GPR39: variants seen among roughly 807,000 people sequenced by gnomAD.
GPR39 encodes the protein G protein-coupled receptor 39.
A neutral mutation model predicts 18.4 loss-of-function variants in GPR39; 23 were observed. The observed-to-expected ratio is 1.25, with a 90% CI of 0.90 to 1.77. The LOEUF (loss-of-function observed/expected upper bound fraction) is 1.77. GPR39 is among the 40% of genes most tolerant of loss of function. The pLI is 0.00. For missense variants in GPR39, 647 were observed against 602.4 expected, an observed-to-expected ratio of 1.07 and a Z score of -0.78; for synonymous variants, 280 against 257.9, an observed-to-expected ratio of 1.09 and a Z score of -0.82.
At chr2:132,533,384 T>G (rs1679679451) in intron 1 of GPR39, among the ~76,000 whole-genome samples, 1 of 147,930 alleles carries the variant, frequency 6.8e-6, no homozygotes, top group African/African-American at 2.5e-5. Context: ...TGCTCATGGG[T>G]AGGAAGAATC....
intron 1 of GPR39, among the ~76,000 whole-genome samples, chr2:132,473,626 A>G: frequency 6.6e-6 from 1 of 152,310 alleles, no homozygotes; most frequent in East Asian, 1.9e-4. Context: ...AATCTGCTTC[A>G]GGAAGTATGT....
chr2:132,494,594 C>A (rs1681602800), intron 1 of GPR39, among the ~76,000 whole-genome samples: 1 of 152,120 alleles, frequency 6.6e-6, no homozygotes, highest in Admixed American at 6.6e-5. Context: ...GACACTATGC[C>A]CTGTTTTATG....
chr2:132,612,310 C>T (rs556042827), intron 1 of GPR39, among the ~76,000 whole-genome samples: 1 of 152,210 alleles, frequency 6.6e-6, no homozygotes, highest in East Asian at 1.9e-4. Flanking sequence ...CAGCCTCCCC[C>T]TCCCCTCAGT....
rs188031318 is a variant in GPR39 at position 132,547,070 on chromosome 2, C to A, written c.857-98031C>A. ...TTCCGTTGCCTCCAGCAAGCCGCACCGACAGAGGGTCAATGGGGTTACTGT... is the reference window on the plus strand; with the variant it reads ...TTCCGTTGCCTCCAGCAAGCCGCACAGACAGAGGGTCAATGGGGTTACTGT... On this transcript the variant is annotated intron_variant, in intron 1 of 1. Transcript: ENST00000329321. Among the ~76,000 whole-genome samples, 11 of 151,946 alleles carry A rather than the reference C, an allele frequency of 7.2e-5. No individual in the cohort carries two copies. The South Asian group carries it at 8.3e-4, about 11-fold the overall frequency.
rs866145446 is a variant in GPR39, at chr2:132,456,887, C to T, written c.856+38989C>T. Among the ~76,000 whole-genome samples the T allele has an allele frequency of 4.6e-5, 7 of 152,298 alleles. 1 individual carries two copies. In the Middle Eastern group the frequency reaches 0.014, roughly 296 times the overall value. ...GGGCTTCCCTTTGTGGATAACTTGA[C>T]GTTTCTCTCTGGCTGCCCTTAACAC... On this transcript the variant is annotated intron_variant, in intron 1 of 1. Coordinates refer to ENST00000329321, the MANE Select transcript of GPR39 (RefSeq NM_001508.3).
chr2:132,534,629 C>CACAT (rs1377343612), intron 1 of GPR39, among the ~76,000 whole-genome samples: 1 of 151,516 alleles, frequency 6.6e-6, no homozygotes, highest in African/African-American at 2.4e-5. Context: ...GAAAATGTGG[C>CACAT]ACATATACAC....
rs1171824622 is a variant in GPR39, at chr2:132,645,281, T to C, written c.1037T>C (p.Val346Ala). 1.2e-6 allele frequency: 2 copies of C among 1,614,078 alleles called. No individual in the cohort carries two copies. Among genetic ancestry groups the C allele is most frequent in the Admixed American group, 1.7e-5 (1 of 60,004 alleles). The stretch of plus-strand genomic sequence containing the variant: ...GTCATCAACCCGCTCCTGTACACGG[T>C]GTCCTCGCAGCAGTTTCGGCGGGTG... Reference protein sequence around the residue: ...SSVINPLLYTVSSQQFRRVFV... With the variant: ...SSVINPLLYTASSQQFRRVFV... The change falls in exon 2 of 2, where the codon GTG becomes GCG. Residue 346 changes from valine to alanine, a missense_variant. Val to Ala is a moderately conservative substitution (Grantham distance 64). Coordinates refer to ENST00000329321, the MANE Select transcript of GPR39 (RefSeq NM_001508.3).
In GPR39 at chr2:132,489,634, G is replaced by A. The variant is rs528794479; in HGVS notation, c.856+71736G>A. On this transcript the variant is annotated intron_variant, in intron 1 of 1. Transcript: ENST00000329321. ...CATGGCTGGGGTGGGGACCAGAGTA[G>A]GGGGCAAGACACATTTGTATGATCA... 3.9e-5 allele frequency among the ~76,000 whole-genome samples: 6 copies of A among 152,082 alleles called. No homozygotes were observed. The South Asian group carries it at 1.2e-3, about 31-fold the overall frequency.
chr2:132,579,127 CTT>C (rs1375696041), intron 1 of GPR39, among the ~76,000 whole-genome samples: 1 of 150,844 alleles, frequency 6.6e-6, no homozygotes, highest in Non-Finnish European at 1.5e-5. Flanking sequence ...TCTCAGTACT[CTT>C]TAGCTGTGTC....
At chr2:132,634,092 G>T (rs1275436198) in intron 1 of GPR39, among the ~76,000 whole-genome samples, 1 of 144,116 alleles carries the variant, frequency 6.9e-6, no homozygotes, top group African/African-American at 2.9e-5. Flanking sequence ...GGTGTTCGTG[G>T]TGATGGAGGG....
chr2:132,575,791 T>G (rs556390927), intron 1 of GPR39, among the ~76,000 whole-genome samples: 13 of 152,348 alleles, frequency 8.5e-5, no homozygotes, highest in African/African-American at 3.1e-4. Context: ...TCTAAATGTT[T>G]GTCCTCCTAA....
intron 1 of GPR39, among the ~76,000 whole-genome samples, chr2:132,624,834 C>T (rs1251600941): frequency 6.6e-6 from 1 of 152,140 alleles, no homozygotes; most frequent in East Asian, 1.9e-4. Flanking sequence ...TGTTTTCTAC[C>T]ATTGATGAGC....
rs1679906212 is a variant in GPR39 at position 132,544,351 on chromosome 2, C to A, written c.857-100750C>A. On this transcript the variant is annotated intron_variant, in intron 1 of 1. Transcript: ENST00000329321. ...GGAGGCCAGGCAGGCCATCTTGAGA[C>A]AAACTAGTACTTCAAATGTGGTGTG... Among the ~76,000 whole-genome samples the A allele has an allele frequency of 2.0e-5, 3 of 152,178 alleles. No homozygotes were observed. The South Asian group carries it at 6.2e-4, about 32-fold the overall frequency.
rs201708691 is a variant in GPR39 at position 132,645,379 on chromosome 2, C to T, written c.1135C>T (p.His379Tyr). Residue 379 changes from histidine (H) to tyrosine (Y), a missense_variant, in exon 2 of 2, where the codon CAC becomes TAC. His to Tyr is a moderately conservative substitution (Grantham distance 83). Coordinates refer to ENST00000329321, the MANE Select transcript of GPR39 (RefSeq NM_001508.3). ...NHEKRLRVHA[H>Y]STTDSARFVQ... ...CGAGAAGCGCCTGCGCGTACATGCG[C>T]ACTCCACCACCGACAGCGCCCGCTT... 1.2e-4 allele frequency: 193 copies of T among 1,613,698 alleles called. No individual in the cohort carries two copies. The highest frequency in any genetic ancestry group is 1.6e-4 in the Non-Finnish European group (186 of 1,180,008).
At chr2:132,528,373 AG>A (rs1573647979) in intron 1 of GPR39, among the ~76,000 whole-genome samples, 2 of 152,142 alleles carry the variant, frequency 1.3e-5, no homozygotes, top group East Asian at 3.9e-4. Flanking sequence ...TGATGCCTCC[AG>A]CTTTGTTCTT....
At chr2:132,499,894 G>A (rs918758250) in intron 1 of GPR39, among the ~76,000 whole-genome samples, 3 of 152,064 alleles carry the variant, frequency 2.0e-5, no homozygotes, top group Non-Finnish European at 4.4e-5. Context: ...GGTCACTGTT[G>A]GTGTACAGCA....
At chr2:132,618,056 C>T (rs1161683866) in intron 1 of GPR39, among the ~76,000 whole-genome samples, 1 of 152,198 alleles carries the variant, frequency 6.6e-6, no homozygotes, top group Non-Finnish European at 1.5e-5. Flanking sequence ...CTAAATATGT[C>T]CCCTCCATTT....
intron 1 of GPR39, among the ~76,000 whole-genome samples, chr2:132,560,833 C>T (rs187198210): frequency 2.0e-5 from 3 of 152,118 alleles, no homozygotes; most frequent in African/African-American, 7.2e-5. Flanking sequence ...GGAACTCAGC[C>T]TCCTTTTGCC....
At position 132,417,154 on chromosome 2, in the gene GPR39, CTGATCA is replaced by C; in HGVS notation, c.114_119del (p.Ile39_Ile40del). 6.2e-7 allele frequency: 1 copy of C among 1,614,182 alleles called. No homozygotes were observed. Among genetic ancestry groups the C allele is most frequent in the Non-Finnish European group, 8.5e-7 (1 of 1,180,042 alleles). ...CAAAATCACCCTTATTCTGGTGTAC[CTGATCA>C]TCTTCGTGATGGGCCTTCTGGGGAA... On this transcript the variant is annotated inframe_deletion, in exon 1 of 2. Transcript: ENST00000329321.
Sources: gnomAD v4.1 joint callset for allele counts (sites outside exome capture counted in the v4.1 genomes callset) on GRCh38, gnomAD v4.1.1 for gene constraint, MANE v1.5 for transcripts, NCBI Gene and HGNC (gene_info 2026-07-23, HGNC 2026-07-21) for gene names.